CACNA1G: variants seen among roughly 807,000 people sequenced by gnomAD.
CACNA1G encodes the protein voltage-dependent T-type calcium channel subunit alpha-1G.
CACNA1G carries 67 observed loss-of-function variants against 219.4 expected under a neutral mutation model. That is an observed-to-expected ratio of 0.31 (90% confidence interval 0.25 to 0.37). The LOEUF (loss-of-function observed/expected upper bound fraction) is 0.37, where lower values mean the gene tolerates loss of function less well. CACNA1G is among the 10% of genes least tolerant of loss of function. The pLI is 1.00. For synonymous variants in CACNA1G, 1,296 were observed against 1,345.3 expected (o/e 0.96, Z 0.80); for missense variants, 2,380 against 3,231.4 (o/e 0.74, Z 6.39).
rs974948311 is a variant in CACNA1G at position 50,571,205 on chromosome 17, A to T, written c.587-673A>T. Reference sequence around the variant, plus strand: ...AGGTCCTGATTTGGGGATCTGGACCAAGCAGGGAATAGTTTCAGGGAAGCA... The same window carrying T: ...AGGTCCTGATTTGGGGATCTGGACCTAGCAGGGAATAGTTTCAGGGAAGCA... On this transcript the variant is annotated intron_variant, in intron 4 of 37. Transcript: ENST00000359106. This position sits in a 1 kb window ranked among gnomAD's most constrained non-coding sequence, Gnocchi z 4.3. Among the ~76,000 whole-genome samples, 2 of 152,220 alleles carry T rather than the reference A, an allele frequency of 1.3e-5. No individual in the cohort carries two copies. Among genetic ancestry groups the T allele is most frequent in the Non-Finnish European group, 2.9e-5 (2 of 68,040 alleles).
chr17:50,601,884 C>T (rs1407154017), intron 19 of CACNA1G, among the ~76,000 whole-genome samples: 2 of 152,316 alleles, frequency 1.3e-5, no homozygotes, highest in African/African-American at 4.8e-5. Flanking sequence ...GTTTGCCTCT[C>T]ATCCCTCTTT....
intron 9 of CACNA1G, among the ~76,000 whole-genome samples, chr17:50,581,581 A>C (rs2145127575): frequency 6.6e-6 from 1 of 152,276 alleles, no homozygotes; most frequent in Non-Finnish European, 1.5e-5. Flanking sequence ...TGACTGAGGA[A>C]GCACCTATAT....
chr17:50,608,770 C>G (rs2048513261), intron 25 of CACNA1G, among the ~76,000 whole-genome samples: 1 of 152,046 alleles, frequency 6.6e-6, no homozygotes, highest in Non-Finnish European at 1.5e-5. Flanking sequence ...AGACAGAGGC[C>G]AGGAAGGATG....
intron 16 of CACNA1G, 66 bp from the exon 17 acceptor site, chr17:50,599,362 G>A (rs1428404566): frequency 7.3e-7 from 1 of 1,376,172 alleles, no homozygotes; most frequent in Non-Finnish European, 9.7e-7. Flanking sequence ...CAGGAGACCG[G>A]GTGCACATGA....
At chr17:50,613,307 GCCT>G (rs1444233475) in intron 26 of CACNA1G, among the ~76,000 whole-genome samples, 4 of 152,232 alleles carry the variant, frequency 2.6e-5, no homozygotes, top group Non-Finnish European at 5.9e-5. Flanking sequence ...ATTTCTGGCA[GCCT>G]CAGCACCTGC....
intron 23 of CACNA1G, chr17:50,606,387 A>G: frequency 1.8e-6 from 1 of 542,276 alleles, no homozygotes; most frequent in Non-Finnish European, 3.1e-6. Context: ...TGTCAGCTCA[A>G]TGACCTGGAG....
rs773421114 is a variant in CACNA1G, at chr17:50,602,836, C to G, written c.3932C>G (p.Thr1311Ser). The part of the protein sequence containing the change: ...DPHSAERIFL[T>S]LSNYIFTAVF... ...CTCTTGCAGGAACGCATCTTCCTGA[C>G]CCTCTCCAATTACATCTTCACCGCA... The change falls in exon 20 of 38, where the codon ACC (threonine) becomes AGC (serine). Residue 1311 changes from threonine (T) to serine (S), a missense_variant. Around this residue, in one of 17 missense-constraint regions of CACNA1G, gnomAD observed 153 missense variants for 374.9 expected, o/e 0.41. Coordinates refer to ENST00000359106, the MANE Select transcript of CACNA1G (RefSeq NM_018896.5). 2 of 1,613,880 alleles carry G rather than the reference C, an allele frequency of 1.2e-6. No homozygotes were observed. The highest frequency in any genetic ancestry group is 1.7e-6 in the Non-Finnish European group (2 of 1,179,852).
At chr17:50,601,883 T>C (rs1336332836) in intron 19 of CACNA1G, among the ~76,000 whole-genome samples, 1 of 152,204 alleles carries the variant, frequency 6.6e-6, no homozygotes, top group Non-Finnish European at 1.5e-5. Flanking sequence ...GGTTTGCCTC[T>C]CATCCCTCTT....
chr17:50,601,710 G>A (rs1054088357), intron 19 of CACNA1G, among the ~76,000 whole-genome samples: 1 of 152,102 alleles, frequency 6.6e-6, no homozygotes, highest in African/African-American at 2.4e-5. Flanking sequence ...CCCCAGGGTC[G>A]AACCCCTTCA....
Position 50,626,020 on chromosome 17 carries a change from G to A in CACNA1G, c.6403G>A (p.Ala2135Thr). The A allele has an allele frequency of 6.2e-7, 1 of 1,603,718 alleles. No homozygotes were observed. Among genetic ancestry groups the A allele is most frequent in the Non-Finnish European group, 8.5e-7 (1 of 1,172,778 alleles). Residue 2135 changes from alanine to threonine, a missense_variant, in exon 38 of 38, where the codon GCA (alanine) becomes ACA (threonine). Physicochemically the swap from Ala to Thr is moderately conservative, Grantham distance 58. Around this residue, in one of 17 missense-constraint regions of CACNA1G, gnomAD observed 672 missense variants for 670.5 expected, o/e 1.00. Coordinates refer to ENST00000359106, the MANE Select transcript of CACNA1G (RefSeq NM_018896.5). This position sits in a 1 kb window ranked among gnomAD's most constrained non-coding sequence, Gnocchi z 4.3. ...AGCCCTCCCCCACCCCATATAGGCA[G>A]CAATAAGGACTGACTCCTTGGACGT... The part of the protein sequence containing the change: ...LAQRPLRRQA[A>T]IRTDSLDVQG...
rs1440308861 is a variant in CACNA1G at position 50,627,038 on chromosome 17, T to C, written c.*287T>C. 1 of 592,108 alleles carries C rather than the reference T, an allele frequency of 1.7e-6. No individual in the cohort carries two copies. The highest frequency in any genetic ancestry group is 3.8e-5 in the East Asian group (1 of 26,380). 36.7% of individuals were successfully genotyped at this position (592,108 alleles called of 1,614,324 possible). A position where few individuals can be genotyped will look rare whatever the true frequency, so the allele number is the denominator to read the frequency against. On this transcript the variant is annotated 3_prime_UTR_variant, in exon 38 of 38. Coordinates refer to ENST00000359106, the MANE Select transcript of CACNA1G (RefSeq NM_018896.5). Reference sequence around the variant, plus strand: ...AATACGTTTGTGCAGAATCTCTATGTATATTCTATTTTATTAAATTAATTG... The same window carrying C: ...AATACGTTTGTGCAGAATCTCTATGCATATTCTATTTTATTAAATTAATTG...
intron 9 of CACNA1G, among the ~76,000 whole-genome samples, chr17:50,584,618 AG>A (rs1005241118): frequency 4.3e-4 from 2 of 4,702 alleles, no homozygotes; most frequent in African/African-American, 8.0e-4. Flanking sequence ...AGGGGGTGAC[AG>A]GGGGGCGGCG....
Position 50,575,763 on chromosome 17 carries a change from T to C in CACNA1G, c.1361T>C (p.Val454Ala), listed in dbSNP as rs754390716. The change falls in exon 8 of 38, where the codon GTC (valine) becomes GCC (alanine). Residue 454 changes from valine (V) to alanine (A), a missense_variant. Val to Ala is a moderately conservative substitution (Grantham distance 64). This residue lies in a region of CACNA1G where 434 missense variants were observed against 417.3 expected (regional missense o/e 1.04). Transcript: ENST00000359106. The part of the protein sequence containing the change: ...LRKAARRLAQ[V>A]SRAAGVRVGL... ...AAGGCAGCCCGCAGGCTGGCTCAGG[T>C]CTCTCGGGCAGCAGGTGTGCGGGTT... 1 of 1,561,718 alleles carries C rather than the reference T, an allele frequency of 6.4e-7. No homozygotes were observed. The highest frequency in any genetic ancestry group is 1.2e-5 in the South Asian group (1 of 85,052).
intron 35 of CACNA1G, among the ~76,000 whole-genome samples, chr17:50,622,092 G>A (rs562664359): frequency 2.0e-5 from 3 of 152,200 alleles, no homozygotes; most frequent in Admixed American, 1.3e-4. Flanking sequence ...GGAGTGACAC[G>A]GCCCAAAACA....
Position 50,579,743 on chromosome 17 carries a change from T to A in CACNA1G, c.2301+1179T>A, listed in dbSNP as rs2041525235. 3.9e-5 allele frequency among the ~76,000 whole-genome samples: 6 copies of A among 151,936 alleles called. No homozygotes were observed. In the South Asian group the frequency reaches 1.2e-3, roughly 32 times the overall value. On this transcript the variant is annotated intron_variant, in intron 9 of 37. Transcript: ENST00000359106. ...CCTCCCCACCTCCGCACCCTCCCAATCAGGAGCAGAGGCGGAGGGGGCCAG... is the reference window on the plus strand; with the variant it reads ...CCTCCCCACCTCCGCACCCTCCCAAACAGGAGCAGAGGCGGAGGGGGCCAG...
At chr17:50,620,587 C>T (rs1032944361) in intron 34 of CACNA1G, among the ~76,000 whole-genome samples, 1 of 152,224 alleles carries the variant, frequency 6.6e-6, no homozygotes, top group Admixed American at 6.5e-5. Flanking sequence ...GCCCCACCCT[C>T]CCTCCACCTA....
At chr17:50,620,210 A>G (rs2051486421) in intron 34 of CACNA1G, among the ~76,000 whole-genome samples, 1 of 152,114 alleles carries the variant, frequency 6.6e-6, no homozygotes, top group Non-Finnish European at 1.5e-5. Context: ...CTCCAGAGAC[A>G]GTGTAGGTGG....
chr17:50,622,174 TCCCCACCCCA>T (rs1250952298), intron 35 of CACNA1G, among the ~76,000 whole-genome samples: 2 of 49,998 alleles, frequency 4.0e-5, no homozygotes, highest in African/African-American at 7.6e-5. Context: ...GTTCCCCTCC[TCCCCACCCCA>T]CCCCACCCCC....
intron 25 of CACNA1G, among the ~76,000 whole-genome samples, chr17:50,609,184 G>T (rs1339914187): frequency 6.6e-6 from 1 of 152,188 alleles, no homozygotes; most frequent in African/African-American, 2.4e-5. Flanking sequence ...CCCTCGGCCT[G>T]GGAGTGGCAC....
Sources: allele counts gnomAD v4.1 joint callset (sites outside exome capture counted in the v4.1 genomes callset), GRCh38; gene constraint gnomAD v4.1.1; regional missense constraint gnomAD v4.1.1; non-coding constraint Gnocchi (gnomAD v3.1); transcripts MANE v1.5; gene names NCBI Gene and HGNC (gene_info 2026-07-23, HGNC 2026-07-21).